HHIPL2: variants seen among roughly 807,000 people sequenced by gnomAD.
The protein encoded by HHIPL2 is HHIP-like protein 2.
Under a neutral mutation model 61.0 loss-of-function variants are expected in HHIPL2, and 61 were observed. That is an observed-to-expected ratio of 1.00 (90% CI 0.81 to 1.24). The LOEUF (loss-of-function observed/expected upper bound fraction) is 1.24. Ranked by LOEUF, HHIPL2 falls within the 50% of genes most tolerant of loss-of-function variation. The probability of loss-of-function intolerance (pLI) is 0.00; values close to 1 mark genes in which losing one functional copy is unlikely to be tolerated. For synonymous variants in HHIPL2, 343 were observed against 357.4 expected, an observed-to-expected ratio of 0.96 and a Z score of 0.45; for missense variants, 885 against 910.2, an observed-to-expected ratio of 0.97 and a Z score of 0.36.
In HHIPL2 at chr1:222,541,345, T is replaced by C. The variant is rs1173526451; in HGVS notation, c.1118+667A>G. Among the ~76,000 whole-genome samples, 4 of 152,166 alleles carry C rather than the reference T, an allele frequency of 2.6e-5. No homozygotes were observed. In the South Asian group the frequency reaches 6.2e-4, roughly 24 times the overall value. Reference sequence around the variant, plus strand: ...GGGCTCTGGCACCGTATTGTGTGGGTTGGGATTCTGTTTTTTCCACTTACT... The same window carrying C: ...GGGCTCTGGCACCGTATTGTGTGGGCTGGGATTCTGTTTTTTCCACTTACT... On this transcript the variant is annotated intron_variant, in intron 3 of 8. Transcript: ENST00000343410.
At position 222,540,104 on chromosome 1, in the gene HHIPL2, C is replaced by G. The variant is rs1198896352; in HGVS notation, c.1356G>C (p.Glu452Asp). ...TTCCACCTTTCAAAATGAGGTCAAC[C>G]TCTTCAAACCTGTTCTGGCCCACGT... ...CGDVGQNRFE[E>D]VDLILKGGNY... is the part of the protein sequence containing the mutation. The change falls in exon 4 of 9, where the codon GAG (glutamate) becomes GAC (aspartate). Residue 452 changes from glutamate to aspartate, a missense_variant. Transcript: ENST00000343410. 5 of 1,614,130 alleles carry G rather than the reference C, an allele frequency of 3.1e-6. No homozygotes were observed. The highest frequency in any genetic ancestry group is 1.7e-5 in the Admixed American group (1 of 60,014).
At chr1:222,540,776 G>A (rs1204136495) in intron 3 of HHIPL2, among the ~76,000 whole-genome samples, 1 of 152,218 alleles carries the variant, frequency 6.6e-6, no homozygotes, top group Non-Finnish European at 1.5e-5. Context: ...GCTTCTGAGA[G>A]GCTCTGCCAA....
intron 1 of HHIPL2, among the ~76,000 whole-genome samples, chr1:222,546,139 G>A (rs1276362316): frequency 6.6e-6 from 1 of 152,192 alleles, no homozygotes; most frequent in Admixed American, 6.5e-5. Context: ...ACATTGATTG[G>A]GATGCAGCAG....
chr1:222,522,939 A>G (rs754941970), intron 8 of HHIPL2, 52 bp from the exon 9 acceptor site: 27 of 1,493,978 alleles, frequency 1.8e-5, no homozygotes, highest in East Asian at 1.1e-4. Flanking sequence ...GAAAGTAGCT[A>G]TAAGAGAAAA....
intron 1 of HHIPL2, among the ~76,000 whole-genome samples, chr1:222,546,778 C>G (rs952088533): frequency 3.9e-4 from 60 of 152,162 alleles, no homozygotes; most frequent in Admixed American, 2.0e-4. Context: ...CTGGGAAGCT[C>G]GGTTAACCAC....
At chr1:222,523,814 A>G (rs557624511) in intron 7 of HHIPL2, 120 bp from the exon 8 acceptor site, 276 of 832,168 alleles carry the variant, frequency 3.3e-4, no homozygotes, top group African/African-American at 1.5e-3. Context: ...ATCCATGGGG[A>G]TGGGGTAGAT....
rs199570995 is a variant in HHIPL2 at position 222,540,186 on chromosome 1, G to C, written c.1274C>G (p.Ala425Gly). 1.4e-5 allele frequency: 23 copies of C among 1,614,134 alleles called. No individual in the cohort carries two copies. The highest frequency in any genetic ancestry group is 1.8e-5 in the Non-Finnish European group (21 of 1,180,052). ...CGTGATGGGGTCCCCTCGGTCCACA[G>C]CACAACGCCACATGTTCCTGATCCC... Reference protein sequence around the residue: ...AYGIRNMWRCAVDRGDPITRQ... With the variant: ...AYGIRNMWRCGVDRGDPITRQ... The change falls in exon 4 of 9, where the codon GCT becomes GGT. Residue 425 changes from alanine to glycine, a missense_variant. Coordinates refer to ENST00000343410, the MANE Select transcript of HHIPL2 (RefSeq NM_024746.4).
At position 222,540,093 on chromosome 1, in the gene HHIPL2, A is replaced by C. The variant is rs1659397313; in HGVS notation, c.1367T>G (p.Ile456Ser). 1 of 1,614,258 alleles carries C rather than the reference A, an allele frequency of 6.2e-7. No individual in the cohort carries two copies. The change falls in exon 4 of 9, where the codon ATT (isoleucine) becomes AGT (serine). Residue 456 changes from isoleucine to serine, a missense_variant. Coordinates refer to ENST00000343410, the MANE Select transcript of HHIPL2 (RefSeq NM_024746.4). ...GQNRFEEVDL[I>S]LKGGNYGWRA... ...CCAGCCATAGTTTCCACCTTTCAAAATGAGGTCAACCTCTTCAAACCTGTT... is the reference window on the plus strand; with the variant it reads ...CCAGCCATAGTTTCCACCTTTCAAACTGAGGTCAACCTCTTCAAACCTGTT...
In HHIPL2 at chr1:222,543,682, AC is replaced by A; in HGVS notation, c.828del (p.Leu277TrpfsTer25). ...TGGCGGAATTTGGGGTGAAAAGCCA[AC>A]CCCAAGAAGCCTCTCTCATCCCCGA... is the stretch of plus-strand genomic sequence containing the variant. Reference protein sequence around the residue: ...PWIGDERGFLGLAFHPKFRHN... With the variant: ...PWIGDERGFLXLAFHPKFRHN... On this transcript the variant is annotated frameshift_variant, in exon 2 of 9. Coordinates refer to ENST00000343410, the MANE Select transcript of HHIPL2 (RefSeq NM_024746.4). LOFTEE classifies it high-confidence loss of function. The A allele has an allele frequency of 6.2e-7, 1 of 1,614,104 alleles. No homozygotes were observed. The highest frequency in any genetic ancestry group is 8.5e-7 in the Non-Finnish European group (1 of 1,180,026).
At chr1:222,536,178 A>T (rs943291095) in intron 5 of HHIPL2, among the ~76,000 whole-genome samples, 1 of 152,108 alleles carries the variant, frequency 6.6e-6, no homozygotes, top group East Asian at 1.9e-4. Context: ...ACATTAAAAT[A>T]ACAGGAAAAA....
intron 5 of HHIPL2, among the ~76,000 whole-genome samples, chr1:222,538,309 G>C (rs543475691): frequency 4.0e-5 from 6 of 151,322 alleles, no homozygotes; most frequent in African/African-American, 1.5e-4. Context: ...TGGGGACGGG[G>C]GACAGGCTGG....
chr1:222,538,293 AT>A (rs1338615571), intron 5 of HHIPL2, among the ~76,000 whole-genome samples: 1 of 151,130 alleles, frequency 6.6e-6, no homozygotes, highest in Non-Finnish European at 1.5e-5. Flanking sequence ...ACATGTACAT[AT>A]TCACTGGGGA....
In HHIPL2 at chr1:222,522,777, T is replaced by C; in HGVS notation, c.1999A>G (p.Lys667Glu). Reference sequence around the variant, plus strand: ...CTGCTTGTAGGAGAAGCCAGCTTCTTGGAGGAGCCTTTCTCAGACAAACCC... The same window carrying C: ...CTGCTTGTAGGAGAAGCCAGCTTCTCGGAGGAGCCTTTCTCAGACAAACCC... ...AQGLSEKGSSKKLASPTSSKN... is the reference protein window; with the variant it reads ...AQGLSEKGSSEKLASPTSSKN... The change falls in exon 9 of 9, where the codon AAG (lysine) becomes GAG (glutamate). Residue 667 changes from lysine to glutamate, a missense_variant. By Grantham distance (56) the Lys-to-Glu change is moderately conservative. Coordinates refer to ENST00000343410, the MANE Select transcript of HHIPL2 (RefSeq NM_024746.4). The C allele has an allele frequency of 1.2e-6, 2 of 1,614,210 alleles. No individual in the cohort carries two copies. Among genetic ancestry groups the C allele is most frequent in the Non-Finnish European group, 1.7e-6 (2 of 1,180,036 alleles).
In HHIPL2 at chr1:222,547,877, C is replaced by A. The variant is rs905245303; in HGVS notation, c.168G>T (p.Leu56=). ...LDYGPPFQPP[L]HLEFCSDYES... The stretch of plus-strand genomic sequence containing the variant: ...CATAGTCAGAGCAAAACTCAAGGTG[C>A]AGAGGGGGCTGGAAAGGGGGCCCGT... The change falls in exon 1 of 9, where the codon CTG becomes CTT. Residue 56 remains leucine, a synonymous_variant. Transcript: ENST00000343410. 1.9e-6 allele frequency: 3 copies of A among 1,614,140 alleles called. No homozygotes were observed. Among genetic ancestry groups the A allele is most frequent in the Non-Finnish European group, 2.5e-6 (3 of 1,180,022 alleles).
intron 5 of HHIPL2, among the ~76,000 whole-genome samples, chr1:222,535,900 C>G (rs1009562790): frequency 2.0e-5 from 3 of 152,056 alleles, no homozygotes; most frequent in Non-Finnish European, 4.4e-5. Context: ...TTTGAAATAA[C>G]TCATGGGACA....
intron 8 of HHIPL2, among the ~76,000 whole-genome samples, chr1:222,523,374 C>G (rs938767186): frequency 1.3e-5 from 2 of 152,032 alleles, no homozygotes; most frequent in Non-Finnish European, 2.9e-5. Context: ...AATACATGAA[C>G]GATTAAATGA....
Position 222,544,198 on chromosome 1 carries a change from G to C in HHIPL2, c.322-9C>G. 3.1e-6 allele frequency: 5 copies of C among 1,604,460 alleles called. No homozygotes were observed. Among genetic ancestry groups the C allele is most frequent in the Non-Finnish European group, 4.3e-6 (5 of 1,175,654 alleles). On this transcript the variant is annotated splice_polypyrimidine_tract_variant and intron_variant, in intron 1 of 8. Transcript: ENST00000343410. ...GCGTAGGGCGAGCACTCCTAAAAAA[G>C]AACGCGGAGCTCAGGCTCAGCATCA...
At position 222,522,378 on chromosome 1, in the gene HHIPL2, C is replaced by T; in HGVS notation, c.*223G>A. ...ACTAGTGCTTACCATAACCCAGGTG[C>T]ACCAGCAATCTGGGATATGGTCTCC... is the stretch of plus-strand genomic sequence containing the variant. On this transcript the variant is annotated 3_prime_UTR_variant, in exon 9 of 9. Transcript: ENST00000343410. 1.7e-6 allele frequency: 1 copy of T among 579,808 alleles called. No homozygotes were observed. The highest frequency in any genetic ancestry group is 3.1e-6 in the Non-Finnish European group (1 of 326,550). The allele number at this position is 579,808 out of a possible 1,614,324, so 35.9% of individuals were successfully genotyped here.
In HHIPL2 at chr1:222,543,651, C is replaced by A. The variant is rs148477475; in HGVS notation, c.860G>T (p.Arg287Leu). ...LAFHPKFRHN[R>L]KFYIYYSCLD... ...GCACGAATAATAAATATAGAACTTG[C>A]GATTGTGGCGGAATTTGGGGTGAAA... Residue 287 changes from arginine (R) to leucine (L), a missense_variant, in exon 2 of 9, where the codon CGC becomes CTC. Transcript: ENST00000343410. 2.2e-4 allele frequency: 361 copies of A among 1,614,092 alleles called. No homozygotes were observed. Among genetic ancestry groups the A allele is most frequent in the Admixed American group, 1.2e-3 (70 of 60,018 alleles).
Sources: gnomAD v4.1 joint callset for allele counts (sites outside exome capture counted in the v4.1 genomes callset) on GRCh38, gnomAD v4.1.1 for gene constraint, MANE v1.5 for transcripts, NCBI Gene and HGNC (gene_info 2026-07-23, HGNC 2026-07-21) for gene names.